SLIT3: variants seen among roughly 807,000 people sequenced by gnomAD.
The protein encoded by SLIT3 is slit homolog 3 protein.
SLIT3 carries 68 observed loss-of-function variants against 184.0 expected under a neutral mutation model. The ratio of observed to expected loss-of-function variants is 0.37; its 90% CI spans 0.30 to 0.45. The LOEUF is 0.45. SLIT3 is among the 20% of genes least tolerant of loss of function. The pLI is 1.00. For synonymous variants in SLIT3, 831 were observed against 828.6 expected (o/e 1.00, Z -0.05); for missense variants, 1,707 against 2,026.0 (o/e 0.84, Z 3.02).
chr5:169,055,971 T>G (rs559942607), intron 4 of SLIT3, among the ~76,000 whole-genome samples: 1 of 152,308 alleles, frequency 6.6e-6, no homozygotes, highest in South Asian at 2.1e-4. Context: ...AAGACAGGCT[T>G]GAGCAAGAGG....
intron 14 of SLIT3, among the ~76,000 whole-genome samples, chr5:168,768,595 G>T (rs963729173): frequency 6.6e-6 from 1 of 152,162 alleles, no homozygotes; most frequent in African/African-American, 2.4e-5. Context: ...AGTCACACCA[G>T]TTGGTCTGAC....
intron 8 of SLIT3, among the ~76,000 whole-genome samples, chr5:168,807,435 T>C (rs983434433): frequency 6.6e-6 from 1 of 152,238 alleles, no homozygotes; most frequent in Non-Finnish European, 1.5e-5. Context: ...AACATTTGCA[T>C]GCTATGACTA....
At chr5:168,975,022 C>T (rs1754700794) in intron 4 of SLIT3, among the ~76,000 whole-genome samples, 1 of 152,188 alleles carries the variant, frequency 6.6e-6, no homozygotes, top group African/African-American at 2.4e-5. Context: ...ATAACCACAG[C>T]ATCCTCAGAC....
chr5:168,930,151 G>T (rs546329258), intron 4 of SLIT3, among the ~76,000 whole-genome samples: 1 of 152,146 alleles, frequency 6.6e-6, no homozygotes, highest in Admixed American at 6.5e-5. Flanking sequence ...ACAGCACCTC[G>T]GGGAGTGAGG....
intron 4 of SLIT3, among the ~76,000 whole-genome samples, chr5:169,035,175 G>A (rs1757190150): frequency 1.3e-5 from 2 of 152,038 alleles, no homozygotes; most frequent in African/African-American, 4.8e-5. Context: ...GACAAATATT[G>A]TGGATAGACT....
rs1766973356 is a variant in SLIT3, at chr5:169,280,933, G to A, written c.197+19580C>T. ...ACAAATACAATAGCCAAGAGGAACT[G>A]GACAGATGAGATCAATGAGCAAAGC... On this transcript the variant is annotated intron_variant, in intron 1 of 35. Coordinates refer to ENST00000519560, the MANE Select transcript of SLIT3 (RefSeq NM_003062.4). 1.3e-5 allele frequency among the ~76,000 whole-genome samples: 2 copies of A among 152,114 alleles called. 1 individual carries two copies. The highest frequency in any genetic ancestry group is 4.1e-4 in the South Asian group (2 of 4,832).
chr5:169,086,242 G>A (rs1326971371), intron 4 of SLIT3, among the ~76,000 whole-genome samples: 1 of 152,190 alleles, frequency 6.6e-6, no homozygotes, highest in Non-Finnish European at 1.5e-5. Context: ...CTTGCAAGAT[G>A]GCAAGCAGCA....
intron 4 of SLIT3, among the ~76,000 whole-genome samples, chr5:169,184,699 C>T (rs1318303681): frequency 6.6e-6 from 1 of 152,152 alleles, no homozygotes; most frequent in Non-Finnish European, 1.5e-5. Flanking sequence ...ACCATCCTTT[C>T]AAGATATTTG....
chr5:169,252,783 C>A (rs116545765), intron 1 of SLIT3, among the ~76,000 whole-genome samples: 2,455 of 152,138 alleles, frequency 0.016, 28 homozygotes, highest in Admixed American at 0.028. Context: ...AAGATGCCAC[C>A]CTGCAATTAT....
chr5:168,716,173 C>T (rs143349779), intron 23 of SLIT3, among the ~76,000 whole-genome samples: 191 of 152,274 alleles, frequency 1.3e-3, no homozygotes, highest in Non-Finnish European at 1.5e-3. Flanking sequence ...GACAGTGTTT[C>T]ACCCTGTTGG....
At chr5:168,876,872 A>C (rs1050121657) in intron 5 of SLIT3, among the ~76,000 whole-genome samples, 4 of 152,228 alleles carry the variant, frequency 2.6e-5, no homozygotes, top group African/African-American at 9.6e-5. Flanking sequence ...CTTACACAAT[A>C]ATAATACAAT....
chr5:168,746,160 C>T (rs1400729316), intron 20 of SLIT3, among the ~76,000 whole-genome samples: 4 of 152,174 alleles, frequency 2.6e-5, no homozygotes, highest in African/African-American at 7.2e-5. Context: ...GAACTGAACC[C>T]ACAATATCTC....
chr5:168,852,915 T>C (rs1266553153), intron 5 of SLIT3, among the ~76,000 whole-genome samples: 1 of 152,240 alleles, frequency 6.6e-6, no homozygotes, highest in Non-Finnish European at 1.5e-5. Flanking sequence ...CATTACTTAA[T>C]TTTATTTGCT....
At chr5:168,971,856 C>G (rs1300542744) in intron 4 of SLIT3, among the ~76,000 whole-genome samples, 1 of 152,212 alleles carries the variant, frequency 6.6e-6, no homozygotes, top group Non-Finnish European at 1.5e-5. Context: ...CTGGAGCTAC[C>G]ACCTTTTAGG....
intron 1 of SLIT3, among the ~76,000 whole-genome samples, chr5:169,296,238 A>C (rs1323057355): frequency 6.6e-6 from 1 of 152,232 alleles, no homozygotes; most frequent in African/African-American, 2.4e-5. Context: ...TTTATTAAAT[A>C]CACATCTGCT....
Position 168,987,055 on chromosome 5 carries a change from A to G in SLIT3, c.414-103719T>C, listed in dbSNP as rs189932563. Among the ~76,000 whole-genome samples, 4 of 152,316 alleles carry G rather than the reference A, an allele frequency of 2.6e-5. No individual in the cohort carries two copies. The East Asian group carries it at 7.7e-4, about 29-fold the overall frequency. ...AGAGCGAGATTCCATCTCAAAAAAT[A>G]AAAGAAGGCTAATATTTATCAAACA... On this transcript the variant is annotated intron_variant, in intron 4 of 35. Coordinates refer to ENST00000519560, the MANE Select transcript of SLIT3 (RefSeq NM_003062.4).
intron 5 of SLIT3, among the ~76,000 whole-genome samples, chr5:168,853,708 C>T (rs1245292757): frequency 3.3e-5 from 5 of 152,188 alleles, no homozygotes; most frequent in Non-Finnish European, 7.3e-5. Flanking sequence ...CAGTTCTGTC[C>T]ATGCTCACGA....
At chr5:168,756,111 G>A (rs527695800) in intron 16 of SLIT3, among the ~76,000 whole-genome samples, 77 of 152,356 alleles carry the variant, frequency 5.1e-4, no homozygotes, top group African/African-American at 1.7e-3. Context: ...CAGAGCACAC[G>A]AAAGCTGGCA....
At chr5:168,758,155 A>G (rs1755017799) in intron 16 of SLIT3, among the ~76,000 whole-genome samples, 1 of 152,148 alleles carries the variant, frequency 6.6e-6, no homozygotes, top group Non-Finnish European at 1.5e-5. Flanking sequence ...ATATTTTTCC[A>G]GAGACCTCAC....
Sources: gnomAD v4.1 joint callset for allele counts (sites outside exome capture counted in the v4.1 genomes callset) on GRCh38, gnomAD v4.1.1 for gene constraint, MANE v1.5 for transcripts, NCBI Gene and HGNC (gene_info 2026-07-23, HGNC 2026-07-21) for gene names.